ITPR2: variants seen among roughly 807,000 people sequenced by gnomAD.
The protein encoded by ITPR2 is inositol 1,4,5-trisphosphate-gated calcium channel ITPR2.
Under a neutral mutation model 317.1 loss-of-function variants are expected in ITPR2, and 207 were observed. The ratio of observed to expected loss-of-function variants is 0.65; its 90% CI spans 0.58 to 0.73. The LOEUF (loss-of-function observed/expected upper bound fraction) is 0.73. ITPR2 is among the 30% of genes least tolerant of loss of function. The pLI, the probability that ITPR2 is intolerant of heterozygous loss-of-function variation, is 0.00. For synonymous variants in ITPR2, 1,156 were observed against 1,149.1 expected (o/e 1.01, Z -0.12); for missense variants, 2,613 against 3,284.0 (o/e 0.80, Z 4.99).
At chr12:26,451,232 A>G (rs2136758615) in intron 45 of ITPR2, among the ~76,000 whole-genome samples, 1 of 152,282 alleles carries the variant, frequency 6.6e-6, no homozygotes, top group East Asian at 1.9e-4. Flanking sequence ...AAGAATACAG[A>G]CAAACCTGGG....
chr12:26,589,856 ACACAC>A, intron 32 of ITPR2, among the ~76,000 whole-genome samples: 1 of 20,682 alleles, frequency 4.8e-5, no homozygotes. Flanking sequence ...ATATATATAC[ACACAC>A]ACACACACAC....
At chr12:26,568,578 A>G (rs1397966343) in intron 34 of ITPR2, among the ~76,000 whole-genome samples, 1 of 152,200 alleles carries the variant, frequency 6.6e-6, no homozygotes, top group Non-Finnish European at 1.5e-5. Flanking sequence ...AGATGGAATT[A>G]CTGATGGTAT....
chr12:26,778,347 C>T (rs989833593), intron 2 of ITPR2, among the ~76,000 whole-genome samples: 1 of 152,110 alleles, frequency 6.6e-6, no homozygotes, highest in Non-Finnish European at 1.5e-5. Context: ...GTTCAACTCC[C>T]CTATCTGGCC....
At chr12:26,677,463 G>T (rs569642396) in intron 13 of ITPR2, among the ~76,000 whole-genome samples, 4 of 152,108 alleles carry the variant, frequency 2.6e-5, no homozygotes, top group African/African-American at 9.6e-5. Flanking sequence ...AGCTGGGTGT[G>T]GTGGCACGTG....
chr12:26,463,218 A>C (rs1485165540), intron 45 of ITPR2, among the ~76,000 whole-genome samples: 3 of 152,246 alleles, frequency 2.0e-5, no homozygotes, highest in Non-Finnish European at 2.9e-5. Flanking sequence ...TAACAGTACA[A>C]TCATTAAATA....
chr12:26,595,563 TAACA>T lies in ITPR2; in HGVS notation c.4278_4281del (p.Phe1426LeufsTer12). On this transcript the variant is annotated frameshift_variant, in exon 32 of 57. Coordinates refer to ENST00000381340, the MANE Select transcript of ITPR2 (RefSeq NM_002223.4). LOFTEE classifies it high-confidence loss of function. ...ACTTCAGTGTCAACATAACAGTGAT[TAACA>T]AAGTTCACATAAGCAATTTTAACCT... The T allele has an allele frequency of 6.3e-7, 1 of 1,591,662 alleles. No homozygotes were observed. The highest frequency in any genetic ancestry group is 8.5e-7 in the Non-Finnish European group (1 of 1,173,328).
intron 39 of ITPR2, among the ~76,000 whole-genome samples, chr12:26,492,408 A>C (rs1942826786): frequency 6.6e-6 from 1 of 151,992 alleles, no homozygotes; most frequent in African/African-American, 2.4e-5. Flanking sequence ...TAGAAACAGA[A>C]ATCTACAAAA....
At chr12:26,820,641 T>A (rs1476248604) in intron 1 of ITPR2, among the ~76,000 whole-genome samples, 1 of 152,192 alleles carries the variant, frequency 6.6e-6, no homozygotes, top group African/African-American at 2.4e-5. Context: ...TAAAAGAATT[T>A]TTAAAAATAT....
At chr12:26,660,337 C>A (rs1484310778) in intron 15 of ITPR2, among the ~76,000 whole-genome samples, 6 of 152,228 alleles carry the variant, frequency 3.9e-5, no homozygotes, top group Admixed American at 3.9e-4. Flanking sequence ...ATTCATCACA[C>A]TAATTTTCCT....
At chr12:26,681,320 A>C (rs1168858520) in intron 13 of ITPR2, among the ~76,000 whole-genome samples, 1 of 152,230 alleles carries the variant, frequency 6.6e-6, no homozygotes, top group Non-Finnish European at 1.5e-5. Flanking sequence ...GGCATGCAAT[A>C]ATCGTTAGCT....
chr12:26,496,080 C>G (rs1277164707), intron 37 of ITPR2, among the ~76,000 whole-genome samples: 1 of 152,052 alleles, frequency 6.6e-6, no homozygotes, highest in Non-Finnish European at 1.5e-5. Flanking sequence ...AACTCCAAAT[C>G]TTTTATTGGT....
intron 45 of ITPR2, among the ~76,000 whole-genome samples, chr12:26,443,911 T>C (rs541115689): frequency 6.6e-6 from 1 of 152,290 alleles, no homozygotes; most frequent in Non-Finnish European, 1.5e-5. Flanking sequence ...TTCCCAGTGA[T>C]ACATAATTGA....
chr12:26,524,604 A>T (rs1943759934), intron 37 of ITPR2, among the ~76,000 whole-genome samples: 1 of 152,200 alleles, frequency 6.6e-6, no homozygotes, highest in South Asian at 2.1e-4. Context: ...TAAATTTTTA[A>T]AAAACAGGTC....
chr12:26,579,944 TGAC>T lies in ITPR2; in HGVS notation c.4509+80_4509+82del. 4 of 1,065,294 alleles carry T rather than the reference TGAC, an allele frequency of 3.8e-6. No homozygotes were observed. The South Asian group carries it at 6.3e-5, about 17-fold the overall frequency. 66.0% of individuals were successfully genotyped at this position (1,065,294 alleles called of 1,614,324 possible). A position where few individuals can be genotyped will look rare whatever the true frequency, so the allele number is the denominator to read the frequency against. Reference sequence around the variant, plus strand: ...GAATAAACATCTGAAGTGTAGGAGATGACTTCCTGACCAGAAAAAATTTCTCCT... The same window carrying T: ...GAATAAACATCTGAAGTGTAGGAGATTTCCTGACCAGAAAAAATTTCTCCT... On this transcript the variant is annotated intron_variant, in intron 33 of 56. Coordinates refer to ENST00000381340, the MANE Select transcript of ITPR2 (RefSeq NM_002223.4).
Position 26,669,917 on chromosome 12 carries a change from G to T in ITPR2, c.1410-3866C>A, listed in dbSNP as rs181049197. Among the ~76,000 whole-genome samples the T allele has an allele frequency of 9.3e-4, 142 of 152,364 alleles. 1 individual carries two copies. Among genetic ancestry groups the T allele is most frequent in the Non-Finnish European group, 1.6e-3 (106 of 68,038 alleles). On this transcript the variant is annotated intron_variant, in intron 13 of 56. Coordinates refer to ENST00000381340, the MANE Select transcript of ITPR2 (RefSeq NM_002223.4). ...TTACATCCCACACATGGCTGGGAGG[G>T]TCCTACGCCCATGGGGTCTCGCTGA... is the stretch of plus-strand genomic sequence containing the variant.
At chr12:26,497,700 T>C (rs1220217711) in intron 37 of ITPR2, among the ~76,000 whole-genome samples, 1 of 146,060 alleles carries the variant, frequency 6.8e-6, no homozygotes, top group African/African-American at 2.5e-5. Context: ...AATGTCATAG[T>C]GCCAAGAATT....
chr12:26,779,324 T>C (rs1285716201), intron 2 of ITPR2, among the ~76,000 whole-genome samples: 4 of 152,222 alleles, frequency 2.6e-5, no homozygotes, highest in East Asian at 3.8e-4. Context: ...CATTTAACTA[T>C]GGGTCATCAA....
chr12:26,431,693 A>C (rs1180349578), intron 48 of ITPR2, among the ~76,000 whole-genome samples: 1 of 152,148 alleles, frequency 6.6e-6, no homozygotes, highest in East Asian at 1.9e-4. Flanking sequence ...CCATTTAGTC[A>C]TTGTACCCCA....
Position 26,568,369 on chromosome 12 carries a change from G to A in ITPR2, c.4631-6417C>T, listed in dbSNP as rs544083226. 2.2e-4 allele frequency among the ~76,000 whole-genome samples: 34 copies of A among 151,906 alleles called. No homozygotes were observed. The East Asian group carries it at 6.2e-3, about 28-fold the overall frequency. ...ATGCATTTATCTTTTGTAGAGCTCT[G>A]CCTAGAGATAACAGTTCTCTAAAAT... On this transcript the variant is annotated intron_variant, in intron 34 of 56. Transcript: ENST00000381340.
Sources: allele counts gnomAD v4.1 joint callset (sites outside exome capture counted in the v4.1 genomes callset), GRCh38; gene constraint gnomAD v4.1.1; transcripts MANE v1.5; gene names NCBI Gene and HGNC (gene_info 2026-07-23, HGNC 2026-07-21).